Variants in CDKL4 observed in about 807,000 individuals in gnomAD.
CDKL4 encodes cyclin-dependent kinase-like 4.
Under a neutral mutation model 42.0 loss-of-function variants are expected in CDKL4, and 44 were observed. The observed-to-expected ratio is 1.05, with a 90% CI of 0.82 to 1.35. The LOEUF (loss-of-function observed/expected upper bound fraction) is 1.35. Ranked by LOEUF, CDKL4 falls within the 40% of genes most tolerant of loss-of-function variation. The pLI, the probability that CDKL4 is intolerant of heterozygous loss-of-function variation, is 0.00. For synonymous variants in CDKL4, 120 were observed against 121.6 expected (o/e 0.99, Z 0.09); for missense variants, 393 against 369.9 (o/e 1.06, Z -0.51).
intron 3 of CDKL4, among the ~76,000 whole-genome samples, chr2:39,222,461 GT>G: frequency 6.6e-6 from 1 of 152,046 alleles, no homozygotes; most frequent in Admixed American, 6.6e-5. Flanking sequence ...ATGGTAGCGG[GT>G]CCCTGTAGTC....
intron 1 of CDKL4, among the ~76,000 whole-genome samples, chr2:39,233,183 A>C (rs1484956781): frequency 6.6e-6 from 1 of 152,148 alleles, no homozygotes; most frequent in Non-Finnish European, 1.5e-5. Context: ...AAAAAGCTTT[A>C]AGAAAGACAG....
intron 2 of CDKL4, among the ~76,000 whole-genome samples, chr2:39,229,083 C>T (rs1300964488): frequency 2.6e-5 from 4 of 151,760 alleles, no homozygotes; most frequent in African/African-American, 9.7e-5. Context: ...CAGAGGAGGG[C>T]CAGGGTTGGG....
intron 4 of CDKL4, among the ~76,000 whole-genome samples, chr2:39,207,764 T>C (rs1677292626): frequency 6.6e-6 from 1 of 152,128 alleles, no homozygotes; most frequent in Non-Finnish European, 1.5e-5. Flanking sequence ...AAGTTATTGA[T>C]AAAGAGTGAG....
chr2:39,191,481 T>A (rs1230000209), intron 5 of CDKL4, among the ~76,000 whole-genome samples: 1 of 152,214 alleles, frequency 6.6e-6, no homozygotes. Context: ...TGCTGAAACC[T>A]TGATGGCAGA....
At chr2:39,207,372 G>A (rs1045069765) in intron 4 of CDKL4, among the ~76,000 whole-genome samples, 1 of 152,036 alleles carries the variant, frequency 6.6e-6, no homozygotes, top group African/African-American at 2.4e-5. Flanking sequence ...GTGACAGAGT[G>A]AGACCCTGTC....
At chr2:39,225,928 G>T in exon 3 of CDKL4, 1 of 1,610,798 alleles carries the variant, frequency 6.2e-7, no homozygotes, top group Middle Eastern at 1.7e-4. Context: ...TGAACACCTC[G>T]ATGAGGTTCA....
intron 1 of CDKL4, among the ~76,000 whole-genome samples, chr2:39,233,048 A>G (rs1339822645): frequency 1.2e-5 from 1 of 81,932 alleles, no homozygotes; most frequent in African/African-American, 4.0e-5. Flanking sequence ...CCATCTCAAA[A>G]AAAAAAAAAA....
In CDKL4 at chr2:39,237,338, T is replaced by C. The variant is rs531308928; in HGVS notation, c.-57+6533A>G. Among the ~76,000 whole-genome samples the C allele has an allele frequency of 7.2e-5, 11 of 152,272 alleles. No homozygotes were observed. In the South Asian group the frequency reaches 2.3e-3, roughly 32 times the overall value. ...CCTTAGTACACACAAAAAAGGAATC[T>C]GACAAAAGCCAACACTCATTCATGA... is the stretch of plus-strand genomic sequence containing the variant. On this transcript the variant is annotated intron_variant, in intron 1 of 9. Transcript: ENST00000451199.
chr2:39,183,678 C>T lies in CDKL4; in HGVS notation c.792+913G>A, dbSNP rs558420958. Among the ~76,000 whole-genome samples, 4 of 152,282 alleles carry T rather than the reference C, an allele frequency of 2.6e-5. No homozygotes were observed. In the East Asian group the frequency reaches 7.7e-4, roughly 29 times the overall value. ...GTGGGTCAGAACAACCTGTCAAGAA[C>T]AAGGTCAGGGAACTGGGCTTCTAGG... On this transcript the variant is annotated intron_variant, in intron 8 of 9. Coordinates refer to ENST00000451199, the Ensembl canonical transcript of CDKL4.
chr2:39,237,901 T>C (rs574028002), intron 1 of CDKL4, among the ~76,000 whole-genome samples: 10 of 152,170 alleles, frequency 6.6e-5, no homozygotes, highest in African/African-American at 2.4e-4. Context: ...ATCATCTTTT[T>C]ATATAATGGC....
intron 6 of CDKL4, among the ~76,000 whole-genome samples, chr2:39,188,369 T>G (rs1675956015): frequency 6.6e-6 from 1 of 151,848 alleles, no homozygotes; most frequent in Non-Finnish European, 1.5e-5. Flanking sequence ...GAGACCATCC[T>G]GGCCAACATG....
At chr2:39,182,453 C>G (rs539006608) in intron 8 of CDKL4, among the ~76,000 whole-genome samples, 4 of 152,316 alleles carry the variant, frequency 2.6e-5, no homozygotes, top group Admixed American at 2.6e-4. Context: ...CTGCTTAATT[C>G]TGAAGCATTG....
intron 4 of CDKL4, among the ~76,000 whole-genome samples, chr2:39,205,745 G>A (rs1269613494): frequency 6.6e-5 from 8 of 121,322 alleles, no homozygotes; most frequent in Non-Finnish European, 9.8e-5. Context: ...GGACGACGGA[G>A]CGAGACTCCG....
intron 3 of CDKL4, among the ~76,000 whole-genome samples, chr2:39,224,184 C>G (rs1034300296): frequency 2.0e-5 from 3 of 151,954 alleles, no homozygotes; most frequent in African/African-American, 7.2e-5. Flanking sequence ...ACTTTTTTGT[C>G]AAAGGGAGTC....
upstream of CDKL4, among the ~76,000 whole-genome samples, chr2:39,245,430 G>A (rs1679871821): frequency 6.6e-6 from 1 of 152,016 alleles, no homozygotes; most frequent in Non-Finnish European, 1.5e-5. Context: ...CTCCAGACGC[G>A]CCAGCTTAAG....
At chr2:39,174,050 C>T (rs947803561), downstream of CDKL4, among the ~76,000 whole-genome samples, 2 of 151,760 alleles carry the variant, frequency 1.3e-5, no homozygotes, top group African/African-American at 4.8e-5. Context: ...AATAAGAAGG[C>T]CTTACTTAAC....
intron 4 of CDKL4, 40 bp from the exon 5 acceptor site, chr2:39,204,657 A>G (rs1474168922): frequency 9.0e-7 from 1 of 1,115,124 alleles, no homozygotes; most frequent in African/African-American, 1.6e-5. Context: ...GAACCATCAA[A>G]ATGACAAAGA....
At chr2:39,187,963 G>T (rs1265898153) in intron 6 of CDKL4, among the ~76,000 whole-genome samples, 1 of 152,032 alleles carries the variant, frequency 6.6e-6, no homozygotes, top group Non-Finnish European at 1.5e-5. Context: ...AGCTACTCAG[G>T]AGGCTGAGGC....
At chr2:39,187,512 T>A in intron 7 of CDKL4, 115 bp downstream of exon 7, 1 of 736,518 alleles carries the variant, frequency 1.4e-6, no homozygotes, top group South Asian at 1.9e-5. Flanking sequence ...GCCACTGCAC[T>A]CCAGCCTTGG....
Sources: gnomAD v4.1 joint callset for allele counts (sites outside exome capture counted in the v4.1 genomes callset) on GRCh38, gnomAD v4.1.1 for gene constraint, MANE v1.5 for transcripts, NCBI Gene and HGNC (gene_info 2026-07-23, HGNC 2026-07-21) for gene names.